DGKB: variants seen among roughly 807,000 people sequenced by gnomAD.
The protein encoded by DGKB is 90 kDa diacylglycerol kinase.
In DGKB, 67 loss-of-function variants were observed where a neutral mutation model predicts 114.3. The ratio of observed to expected loss-of-function variants is 0.59; its 90% CI spans 0.48 to 0.72. The LOEUF (loss-of-function observed/expected upper bound fraction) is 0.72. Ranked by LOEUF, DGKB falls within the 30% of genes least tolerant of loss-of-function variation. DGKB has a pLI of 0.00. For missense variants in DGKB, 907 were observed against 975.2 expected, an observed-to-expected ratio of 0.93 and a Z score of 0.93; for synonymous variants, 398 against 323.1, an observed-to-expected ratio of 1.23 and a Z score of -2.49.
intron 25 of DGKB, among the ~76,000 whole-genome samples, chr7:14,157,943 A>C (rs1230880443): frequency 2.0e-5 from 3 of 152,194 alleles, no homozygotes; most frequent in African/African-American, 7.2e-5. Flanking sequence ...TAATATTTCA[A>C]CTAAAATTTT....
rs73280355 is a variant in DGKB, at chr7:14,451,280, T to C, written c.1835+26881A>G. Among the ~76,000 whole-genome samples, 1,406 of 152,130 alleles carry C rather than the reference T, an allele frequency of 9.2e-3. 24 individuals carry two copies. The highest frequency in any genetic ancestry group is 0.032 in the African/African-American group (1,347 of 41,528). ...ATATGGGTAGGACTCATCTAATGTGTTGAATGTCTAAATAGAGCAAAAAGG... is the reference window on the plus strand; with the variant it reads ...ATATGGGTAGGACTCATCTAATGTGCTGAATGTCTAAATAGAGCAAAAAGG... On this transcript the variant is annotated intron_variant, in intron 21 of 25. Transcript: ENST00000402815.
At chr7:14,421,596 A>T (rs1219673711) in intron 21 of DGKB, among the ~76,000 whole-genome samples, 2 of 152,112 alleles carry the variant, frequency 1.3e-5, no homozygotes, top group Non-Finnish European at 2.9e-5. Context: ...TGATTTTAAG[A>T]AAAGGAAATG....
upstream of DGKB, among the ~76,000 whole-genome samples, chr7:14,908,110 T>C (rs1783801424): frequency 6.6e-6 from 1 of 152,200 alleles, no homozygotes; most frequent in Admixed American, 6.5e-5. Flanking sequence ...GCAATGGTCA[T>C]CCACACAGTG....
chr7:14,257,833 TCTCCTGTCTCAGCCTCCCAA>T (rs1796169974), intron 23 of DGKB, among the ~76,000 whole-genome samples: 1 of 152,088 alleles, frequency 6.6e-6, no homozygotes, highest in African/African-American at 2.4e-5. Context: ...TTCAAGCAAT[TCTCCTGTCTCAGCCTCCCAA>T]GTAGCTGGGA....
chr7:14,932,894 A>G (rs1785095286), intron 1 of DGKB, among the ~76,000 whole-genome samples: 1 of 152,154 alleles, frequency 6.6e-6, no homozygotes, highest in African/African-American at 2.4e-5. Context: ...AACTTTATGG[A>G]TGGTCTTCGT....
chr7:14,743,666 C>T (rs1832874422), intron 4 of DGKB, among the ~76,000 whole-genome samples: 1 of 152,026 alleles, frequency 6.6e-6, no homozygotes, highest in Non-Finnish European at 1.5e-5. Flanking sequence ...AACATATGTT[C>T]CAGAATTTTA....
At chr7:14,753,856 A>G (rs533138312) in intron 4 of DGKB, 72 bp downstream of exon 4, 34 of 953,304 alleles carry the variant, frequency 3.6e-5, no homozygotes, top group Admixed American at 8.5e-5. Context: ...AGTGATATGG[A>G]TGAGAAATTC....
intron 1 of DGKB, among the ~76,000 whole-genome samples, chr7:14,851,805 T>C (rs1478734823): frequency 6.6e-6 from 1 of 152,200 alleles, no homozygotes; most frequent in African/African-American, 2.4e-5. Context: ...GAAGAAGCCA[T>C]GTATAAGTGT....
At chr7:14,736,493 G>T (rs2128401234) in intron 4 of DGKB, among the ~76,000 whole-genome samples, 1 of 152,138 alleles carries the variant, frequency 6.6e-6, no homozygotes. Context: ...AACTTAGTTT[G>T]CTCCTCTCTA....
At chr7:14,863,191 A>G (rs1239869655) in intron 1 of DGKB, among the ~76,000 whole-genome samples, 1 of 151,630 alleles carries the variant, frequency 6.6e-6, no homozygotes, top group East Asian at 1.9e-4. Flanking sequence ...CATATTTATT[A>G]AGCATTTGTA....
intron 20 of DGKB, among the ~76,000 whole-genome samples, chr7:14,483,339 C>T (rs897399737): frequency 6.6e-6 from 1 of 152,088 alleles, no homozygotes; most frequent in Non-Finnish European, 1.5e-5. Flanking sequence ...TTTAACATGT[C>T]CACAAATGGA....
chr7:14,289,485 C>T (rs1454945179), intron 23 of DGKB, among the ~76,000 whole-genome samples: 6 of 152,058 alleles, frequency 3.9e-5, no homozygotes, highest in African/African-American at 1.4e-4. Context: ...AAAAAATAAG[C>T]ATAACATTTA....
intron 17 of DGKB, among the ~76,000 whole-genome samples, chr7:14,595,260 A>G (rs1356256935): frequency 6.6e-6 from 1 of 152,088 alleles, no homozygotes; most frequent in Non-Finnish European, 1.5e-5. Context: ...GAAAGCCTGA[A>G]GTGACATACT....
At chr7:14,820,338 T>C (rs1003205200) in intron 2 of DGKB, among the ~76,000 whole-genome samples, 7 of 152,206 alleles carry the variant, frequency 4.6e-5, no homozygotes, top group African/African-American at 1.4e-4. Context: ...AATTTAGTAA[T>C]GTTTTTTCAT....
Position 14,421,471 on chromosome 7 carries a change from T to C in DGKB, c.1835+56690A>G, listed in dbSNP as rs191304735. On this transcript the variant is annotated intron_variant, in intron 21 of 25. Transcript: ENST00000402815. ...AAACTAATATGTAATAAATGAGTTA[T>C]TGTTGTCATCCTTATCTTTTTCTAA... is the stretch of plus-strand genomic sequence containing the variant. Among the ~76,000 whole-genome samples, 221 of 152,276 alleles carry C rather than the reference T, an allele frequency of 1.5e-3. 1 individual carries two copies. Among genetic ancestry groups the C allele is most frequent in the African/African-American group, 4.9e-3 (205 of 41,586 alleles).
At chr7:14,609,519 C>T (rs1282325214) in intron 16 of DGKB, among the ~76,000 whole-genome samples, 1 of 151,698 alleles carries the variant, frequency 6.6e-6, no homozygotes, top group African/African-American at 2.4e-5. Context: ...GCAACAAAAA[C>T]AGAAATTGAC....
intron 9 of DGKB, among the ~76,000 whole-genome samples, chr7:14,690,803 T>C (rs1441637223): frequency 2.0e-5 from 3 of 152,236 alleles, no homozygotes; most frequent in Admixed American, 6.5e-5. Context: ...TTAATTACAT[T>C]GGATTTTTTT....
At position 14,652,282 on chromosome 7, in the gene DGKB, G is replaced by C. The variant is rs183423289; in HGVS notation, c.1134+20647C>G. 2.0e-4 allele frequency among the ~76,000 whole-genome samples: 30 copies of C among 152,234 alleles called. 1 individual carries two copies. The East Asian group carries it at 5.6e-3, about 28-fold the overall frequency. ...AGTCTACAGTAACCCAAACAGCACG[G>C]TACTGGTACCAAAACAGAGATATAG... On this transcript the variant is annotated intron_variant, in intron 13 of 25. Coordinates refer to ENST00000402815, the MANE Select transcript of DGKB (RefSeq NM_001350709.2).
intron 23 of DGKB, among the ~76,000 whole-genome samples, chr7:14,199,119 T>A (rs942968556): frequency 1.3e-5 from 2 of 151,986 alleles, no homozygotes; most frequent in African/African-American, 2.4e-5. Context: ...TACATAGTAA[T>A]TTTTTTGCTC....
Sources: gnomAD v4.1 joint callset for allele counts (sites outside exome capture counted in the v4.1 genomes callset) on GRCh38, gnomAD v4.1.1 for gene constraint, MANE v1.5 for transcripts, NCBI Gene and HGNC (gene_info 2026-07-23, HGNC 2026-07-21) for gene names.